The following WNT9B variants were observed in gnomAD, a reference collection of about 807,000 sequenced individuals.
WNT9B encodes the protein Wnt family member 9B.
In WNT9B, 12 loss-of-function variants were observed where a neutral mutation model predicts 30.2. The observed-to-expected ratio is 0.40, with a 90% CI of 0.26 to 0.64. The LOEUF is 0.64. Among genes scored for constraint, WNT9B ranks in the 30% least tolerant of loss-of-function variants. WNT9B has a pLI of 0.42. For synonymous variants in WNT9B, 218 were observed against 216.9 expected (o/e 1.01, Z -0.05); for missense variants, 442 against 485.2 (o/e 0.91, Z 0.84).
chr17:46,849,454 G>A (rs565954678), upstream of WNT9B, among the ~76,000 whole-genome samples: 6 of 152,340 alleles, frequency 3.9e-5, no homozygotes, highest in East Asian at 9.6e-4. Context: ...CCTAGGGGGT[G>A]TGGCTGGGGC....
chr17:46,854,875 G>A (rs990238647), intron 1 of WNT9B, among the ~76,000 whole-genome samples: 7 of 152,070 alleles, frequency 4.6e-5, no homozygotes, highest in African/African-American at 1.4e-4. Flanking sequence ...GGGCAGGCTG[G>A]TCTTGAACTC....
At chr17:46,838,275 C>T (rs967553040) in intron 1 of WNT9B, among the ~76,000 whole-genome samples, 3 of 150,398 alleles carry the variant, frequency 2.0e-5, no homozygotes, top group Non-Finnish European at 2.9e-5. Flanking sequence ...AAGTGAGGAA[C>T]AGCCGAGTGG....
rs757014104 is a variant in WNT9B at position 46,876,831 on chromosome 17, T to TGTGTGCCAATGCACACGA, written c.*122_*139dup. On this transcript the variant is annotated 3_prime_UTR_variant, in exon 4 of 4. Coordinates refer to ENST00000290015, the MANE Select transcript of WNT9B (RefSeq NM_003396.3). ...CATCACATGCATGCATAAACCGGCA[T>TGTGTGCCAATGCACACGA]GTGTGCCAATGCACACGAGTGTGCC... 1.1e-5 allele frequency: 16 copies of TGTGTGCCAATGCACACGA among 1,437,938 alleles called. No individual in the cohort carries two copies. The highest frequency in any genetic ancestry group is 1.5e-5 in the South Asian group (1 of 65,686). 89.1% of individuals were successfully genotyped at this position (1,437,938 alleles called of 1,614,324 possible). A position where few individuals can be genotyped will look rare whatever the true frequency, so the allele number is the denominator to read the frequency against.
chr17:46,881,554 T>C (rs543919894), downstream of WNT9B, among the ~76,000 whole-genome samples: 138 of 152,324 alleles, frequency 9.1e-4, 1 homozygote, highest in African/African-American at 3.2e-3. Flanking sequence ...CCAAACCCCA[T>C]ATTCTCTCTA....
intron 1 of WNT9B, among the ~76,000 whole-genome samples, chr17:46,840,213 A>T (rs2084696690): frequency 6.6e-6 from 1 of 151,692 alleles, no homozygotes; most frequent in South Asian, 2.1e-4. Context: ...TAGCCTCCCG[A>T]GTAGCTGGTA....
downstream of WNT9B, among the ~76,000 whole-genome samples, chr17:46,881,019 C>T (rs1306847146): frequency 6.6e-6 from 1 of 152,214 alleles, no homozygotes; most frequent in Non-Finnish European, 1.5e-5. Context: ...GTCATTTACA[C>T]ACGAATCCTG....
intron 1 of WNT9B, among the ~76,000 whole-genome samples, chr17:46,860,094 A>G (rs369033296): frequency 1.1e-4 from 17 of 152,258 alleles, no homozygotes; most frequent in Middle Eastern, 6.8e-3. Context: ...GATAAGAATC[A>G]CTGTGTTTTG....
At chr17:46,862,458 T>TA (rs919956606) in intron 1 of WNT9B, among the ~76,000 whole-genome samples, 6 of 152,272 alleles carry the variant, frequency 3.9e-5, no homozygotes, top group South Asian at 2.1e-4. Context: ...CCACAATTGT[T>TA]AAAAAAACTT....
At chr17:46,834,532 T>C (rs1418830086) in intron 1 of WNT9B, among the ~76,000 whole-genome samples, 2 of 152,180 alleles carry the variant, frequency 1.3e-5, no homozygotes, top group African/African-American at 4.8e-5. Context: ...CTCCTCTCGC[T>C]GGCTTGCCCC....
intron 2 of WNT9B, 32 bp downstream of exon 2, chr17:46,872,805 T>TG: frequency 9.2e-7 from 1 of 1,089,668 alleles, no homozygotes; most frequent in Non-Finnish European, 1.3e-6. Flanking sequence ...CGGGGAGGGC[T>TG]GGGGGAAGAA....
rs1598865564 is a variant in WNT9B at position 46,874,901 on chromosome 17, C to T, written c.335-200C>T. 11 of 798,056 alleles carry T rather than the reference C, an allele frequency of 1.4e-5. No individual in the cohort carries two copies. In the East Asian group the frequency reaches 2.8e-4, roughly 20 times the overall value. The allele number at this position is 798,056 out of a possible 1,614,324, so 49.4% of individuals were successfully genotyped here. A position where few individuals can be genotyped will look rare whatever the true frequency, so the allele number is the denominator to read the frequency against. On this transcript the variant is annotated intron_variant, in intron 2 of 3. Coordinates refer to ENST00000290015, the MANE Select transcript of WNT9B (RefSeq NM_003396.3). ...CCTGGAAGTTCCATTTAAATGGCAA[C>T]TTGCAGTCAGAATTTAAGGGGCAGT...
downstream of WNT9B, among the ~76,000 whole-genome samples, chr17:46,883,744 C>A (rs555567964): frequency 1.3e-5 from 2 of 152,312 alleles, no homozygotes; most frequent in African/African-American, 4.8e-5. Context: ...GAGGGAGTTG[C>A]AAGGATTCAG....
chr17:46,861,842 T>C (rs965973588), intron 1 of WNT9B, among the ~76,000 whole-genome samples: 12 of 152,218 alleles, frequency 7.9e-5, no homozygotes, highest in African/African-American at 2.2e-4. Context: ...GGCCAGATGC[T>C]GTCAGAATTC....
chr17:46,865,768 G>A (rs1006287974), intron 1 of WNT9B, among the ~76,000 whole-genome samples: 2 of 152,096 alleles, frequency 1.3e-5, no homozygotes, highest in African/African-American at 4.8e-5. Flanking sequence ...ACCATGCCCA[G>A]CTAATTTTTT....
At chr17:46,880,942 A>T (rs533788081), downstream of WNT9B, among the ~76,000 whole-genome samples, 5 of 152,322 alleles carry the variant, frequency 3.3e-5, no homozygotes, top group Admixed American at 6.5e-5. Flanking sequence ...GATGAAGCCA[A>T]CCAGGGGCCT....
chr17:46,854,730 G>A (rs113207611), intron 1 of WNT9B, among the ~76,000 whole-genome samples: 7,251 of 151,970 alleles, frequency 0.048, 588 homozygotes, highest in African/African-American at 0.16. Context: ...TCATGATCTC[G>A]GCTCACTGCA....
At chr17:46,859,183 G>C (rs9901880) in intron 1 of WNT9B, among the ~76,000 whole-genome samples, 3,729 of 150,748 alleles carry the variant, frequency 0.025, 153 homozygotes, top group African/African-American at 0.086. Context: ...ACCATGTTGG[G>C]CAGGCTGGTC....
chr17:46,876,171 T>C, intron 3 of WNT9B, 74 bp from the exon 4 acceptor site: 7 of 1,380,660 alleles, frequency 5.1e-6, no homozygotes, highest in Non-Finnish European at 6.9e-6. Flanking sequence ...CCTGCTGGGG[T>C]TGGTGCTCTG....
chr17:46,853,455 T>C (rs1371436802), intron 1 of WNT9B, among the ~76,000 whole-genome samples: 2 of 135,848 alleles, frequency 1.5e-5, no homozygotes, highest in Non-Finnish European at 3.1e-5. Context: ...CACTGCAACC[T>C]CCATCTCATG....
Sources: allele counts gnomAD v4.1 joint callset (sites outside exome capture counted in the v4.1 genomes callset), GRCh38; gene constraint gnomAD v4.1.1; transcripts MANE v1.5; gene names NCBI Gene and HGNC (gene_info 2026-07-23, HGNC 2026-07-21).